Variants in PATL1 observed in about 807,000 individuals in gnomAD.
The protein encoded by PATL1 is PAT1 homolog 1, processing body mRNA decay factor.
In PATL1, 32 loss-of-function variants were observed where a neutral mutation model predicts 100.6. The observed-to-expected ratio is 0.32, with a 90% CI of 0.24 to 0.43. The LOEUF (loss-of-function observed/expected upper bound fraction) is 0.43, where lower values mean the gene tolerates loss of function less well. Ranked by LOEUF, PATL1 falls within the 20% of genes least tolerant of loss-of-function variation. The pLI is 1.00. For missense variants in PATL1, 747 were observed against 949.9 expected (o/e 0.79, Z 2.81); for synonymous variants, 332 against 330.0 (o/e 1.01, Z -0.07).
At chr11:59,660,456 T>G (rs1441256772) in intron 2 of PATL1, among the ~76,000 whole-genome samples, 1 of 152,190 alleles carries the variant, frequency 6.6e-6, no homozygotes, top group Non-Finnish European at 1.5e-5. Context: ...AAATAGATGG[T>G]CAGAGGTAGG....
chr11:59,663,424 G>C (rs1590704839), intron 2 of PATL1, among the ~76,000 whole-genome samples: 1 of 152,162 alleles, frequency 6.6e-6, no homozygotes, highest in South Asian at 2.1e-4. Context: ...TTCCTTCCAA[G>C]TGGAGGCAGG....
At chr11:59,656,678 C>G in intron 5 of PATL1, 78 bp from the exon 6 acceptor site, 1 of 1,242,082 alleles carries the variant, frequency 8.1e-7, no homozygotes, top group East Asian at 2.5e-5. Flanking sequence ...CCCTCAAGTA[C>G]TGGTAGAGAC....
At chr11:59,659,161 C>T (rs1861591994) in intron 3 of PATL1, 91 bp downstream of exon 3, 6 of 1,152,900 alleles carry the variant, frequency 5.2e-6, no homozygotes, top group Non-Finnish European at 6.2e-6. Context: ...GTAAATCTCT[C>T]ATTATAATAG....
In PATL1 at chr11:59,637,193, G is replaced by C. The variant is rs558684817; in HGVS notation, c.*1197C>G. Reference sequence around the variant, plus strand: ...TTTCTTCAGGGCTGTAATCACTAGGGATCAAAACTCCTTAGTCTGGTTGAT... The same window carrying C: ...TTTCTTCAGGGCTGTAATCACTAGGCATCAAAACTCCTTAGTCTGGTTGAT... On this transcript the variant is annotated 3_prime_UTR_variant, in exon 19 of 19. Transcript: ENST00000300146. The C allele has an allele frequency of 1.3e-5, 2 of 152,428 alleles. No homozygotes were observed. Among genetic ancestry groups the C allele is most frequent in the East Asian group, 3.9e-4 (2 of 5,188 alleles). 9.4% of individuals were successfully genotyped at this position (152,428 alleles called of 1,614,324 possible).
In PATL1 at chr11:59,666,887, T is replaced by C. The variant is rs960971795; in HGVS notation, c.93A>G (p.Gln31=). ...CTGACCCAAATGTATCATCATTGAA[T>C]TGATCAATCTCTTCATCTTCTTCTC... ...GLGEEDEEID[Q]FNDDTFGSGA... The change falls in exon 2 of 19, where the codon CAA becomes CAG. Residue 31 remains glutamine, a synonymous_variant. Coordinates refer to ENST00000300146, the MANE Select transcript of PATL1 (RefSeq NM_152716.3). 6.4e-7 allele frequency: 1 copy of C among 1,551,128 alleles called. No homozygotes were observed. Among genetic ancestry groups the C allele is most frequent in the African/African-American group, 1.4e-5 (1 of 73,144 alleles).
chr11:59,649,456 G>A lies in PATL1; in HGVS notation c.1733+6C>T. On this transcript the variant is annotated splice_donor_region_variant and intron_variant, in intron 14 of 18. Coordinates refer to ENST00000300146, the MANE Select transcript of PATL1 (RefSeq NM_152716.3). ...TAATGTTTTCCTCAAACTGCACGAT[G>A]CTTACCTCTCTTGTCCAGGCAATTT... 1 of 1,613,434 alleles carries A rather than the reference G, an allele frequency of 6.2e-7. No homozygotes were observed. The highest frequency in any genetic ancestry group is 8.5e-7 in the Non-Finnish European group (1 of 1,179,666).
chr11:59,638,638 C>A (rs1861227207), intron 18 of PATL1, among the ~76,000 whole-genome samples: 1 of 152,100 alleles, frequency 6.6e-6, no homozygotes, highest in East Asian at 1.9e-4. Context: ...ATCTCTTCCA[C>A]CAAATTCAGT....
intron 2 of PATL1, among the ~76,000 whole-genome samples, chr11:59,666,173 G>A (rs1444196403): frequency 6.6e-6 from 1 of 152,046 alleles, no homozygotes. Flanking sequence ...TTGAACTCAG[G>A]AGGCGGAGGT....
At chr11:59,657,111 G>A in intron 5 of PATL1, 2 of 985,252 alleles carry the variant, frequency 2.0e-6, no homozygotes, top group African/African-American at 1.7e-5. Context: ...TCAGCTGCTG[G>A]TTTCAGGTGG....
intron 1 of PATL1, 41 bp downstream of exon 1, chr11:59,668,840 C>A (rs1359726120): frequency 4.9e-6 from 4 of 814,948 alleles, no homozygotes; most frequent in South Asian, 1.6e-5. Flanking sequence ...GAGAGGGGCG[C>A]GGGAGGGAGG....
chr11:59,650,193 T>A (rs1861422221), intron 13 of PATL1, among the ~76,000 whole-genome samples: 1 of 144,068 alleles, frequency 6.9e-6, no homozygotes, highest in Non-Finnish European at 1.5e-5. Context: ...TTTTTACAGA[T>A]AAAGAAACTG....
rs375893172 is a variant in PATL1 at position 59,656,623 on chromosome 11, A to C, written c.622-23T>G. 12 of 1,590,792 alleles carry C rather than the reference A, an allele frequency of 7.5e-6. No individual in the cohort carries two copies. The African/African-American group carries it at 1.6e-4, about 21-fold the overall frequency. On this transcript the variant is annotated intron_variant, in intron 5 of 18. Transcript: ENST00000300146. ...AATCTATCAGGACAAACATATATAC[A>C]ACTACACTCAATGAAATCAGTTTTT...
Position 59,656,538 on chromosome 11 carries a change from A to G in PATL1, c.684T>C (p.Tyr228=), listed in dbSNP as rs1861537217. Residue 228 remains tyrosine (Y), a synonymous_variant, in exon 6 of 19, where the codon TAT becomes TAC. Coordinates refer to ENST00000300146, the MANE Select transcript of PATL1 (RefSeq NM_152716.3). The stretch of plus-strand genomic sequence containing the variant: ...GCTGGTTTGGAGACATCCTCTCACC[A>G]TAGGGAGCAGGATAACGAGGTGGCA... ...PPMPPRYPAP[Y]GERMSPNQLC... 6.2e-7 allele frequency: 1 copy of G among 1,614,006 alleles called. No homozygotes were observed.
At chr11:59,651,732 G>C in intron 11 of PATL1, 91 bp from the exon 12 acceptor site, 2 of 800,114 alleles carry the variant, frequency 2.5e-6, no homozygotes, top group South Asian at 3.1e-5. Context: ...ACTTTCCTCT[G>C]TCCCTTACTC....
At chr11:59,658,555 T>G (rs1488484760) in intron 4 of PATL1, among the ~76,000 whole-genome samples, 1 of 152,106 alleles carries the variant, frequency 6.6e-6, no homozygotes, top group Non-Finnish European at 1.5e-5. Context: ...ACTCCTCACC[T>G]CAAGTGATCC....
intron 2 of PATL1, among the ~76,000 whole-genome samples, chr11:59,665,668 C>T (rs1861676305): frequency 6.6e-6 from 1 of 152,104 alleles, no homozygotes; most frequent in Non-Finnish European, 1.5e-5. Flanking sequence ...CGCTTGTGTT[C>T]TCAGCTACTT....
chr11:59,639,619 C>T, intron 16 of PATL1: 1 of 449,178 alleles, frequency 2.2e-6, no homozygotes, highest in Non-Finnish European at 4.0e-6. Context: ...AACGGAAAGT[C>T]ATGGTGTCCA....
Position 59,639,078 on chromosome 11 carries a change from T to C in PATL1, c.2261A>G (p.Gln754Arg). The C allele has an allele frequency of 6.2e-7, 1 of 1,613,912 alleles. No homozygotes were observed. The highest frequency in any genetic ancestry group is 8.5e-7 in the Non-Finnish European group (1 of 1,179,856). ...VSLFSRYVDR[Q>R]KLNLLETKLQ... ...TTTTGTCTCCAGCAAGTTCAGTTTCTGCCGGTCAACATAGCGAGAAAAGAG... is the reference window on the plus strand; with the variant it reads ...TTTTGTCTCCAGCAAGTTCAGTTTCCGCCGGTCAACATAGCGAGAAAAGAG... The change falls in exon 18 of 19, where the codon CAG (glutamine) becomes CGG (arginine). Residue 754 changes from glutamine to arginine, a missense_variant. Coordinates refer to ENST00000300146, the MANE Select transcript of PATL1 (RefSeq NM_152716.3).
chr11:59,659,442 C>A lies in PATL1; in HGVS notation c.155G>T (p.Arg52Leu). 1 of 1,550,714 alleles carries A rather than the reference C, an allele frequency of 6.4e-7. No individual in the cohort carries two copies. Among genetic ancestry groups the A allele is most frequent in the Non-Finnish European group, 8.7e-7 (1 of 1,146,924 alleles). ...TAGCTTTTCTTCCAATTCAGCCAGGCGCTCATGTGCTTCCTGCCAATCATC... is the reference window on the plus strand; with the variant it reads ...TAGCTTTTCTTCCAATTCAGCCAGGAGCTCATGTGCTTCCTGCCAATCATC... The part of the protein sequence containing the change: ...VDDDWQEAHE[R>L]LAELEEKLPV... Residue 52 changes from arginine to leucine, a missense_variant, in exon 3 of 19, where the codon CGC (arginine) becomes CTC (leucine). Physicochemically the swap from Arg to Leu is moderately radical, Grantham distance 102. Transcript: ENST00000300146.
Sources: allele counts gnomAD v4.1 joint callset (sites outside exome capture counted in the v4.1 genomes callset), GRCh38; gene constraint gnomAD v4.1.1; transcripts MANE v1.5; gene names NCBI Gene and HGNC (gene_info 2026-07-23, HGNC 2026-07-21).